TTC7B: variants seen among roughly 807,000 people sequenced by gnomAD.
TTC7B encodes the protein tetratricopeptide repeat domain 7B.
TTC7B carries 28 observed loss-of-function variants against 106.8 expected under a neutral mutation model. The observed-to-expected ratio is 0.26, with a 90% CI of 0.19 to 0.36. TTC7B has a LOEUF of 0.36. Ranked by LOEUF, TTC7B falls within the 10% of genes least tolerant of loss-of-function variation. TTC7B has a pLI of 1.00. For missense variants in TTC7B, 862 were observed against 1,076.4 expected (o/e 0.80, Z 2.79); for synonymous variants, 405 against 430.6 (o/e 0.94, Z 0.74).
intron 19 of TTC7B, among the ~76,000 whole-genome samples, chr14:90,546,637 A>G (rs1334648046): frequency 6.6e-6 from 1 of 152,204 alleles, no homozygotes; most frequent in East Asian, 1.9e-4. Context: ...AGCGCTGCCC[A>G]GCAGCACGCA....
chr14:90,612,938 CCCT>C (rs1268821007), intron 16 of TTC7B, among the ~76,000 whole-genome samples: 1 of 152,304 alleles, frequency 6.6e-6, no homozygotes, highest in East Asian at 1.9e-4. Flanking sequence ...GAACCTCACC[CCCT>C]GACAATGGCA....
At chr14:90,674,013 T>C (rs1020863598) in intron 9 of TTC7B, among the ~76,000 whole-genome samples, 1 of 152,150 alleles carries the variant, frequency 6.6e-6, no homozygotes, top group Non-Finnish European at 1.5e-5. Context: ...TTTGAGGTGA[T>C]GGTTGCACAG....
In TTC7B at chr14:90,525,965, AAAAAAAAAT is replaced by A. The variant is rs1374889295; in HGVS notation, c.*15394_*15402del. On this transcript the variant is annotated 3_prime_UTR_variant, in exon 20 of 20. Transcript: ENST00000328459. ...ACAGAGTTGCGATTGGTTAAAAAATAAAAAAAAATAAAAAAAATAAAAAAAAAAAAGAAG... is the reference window on the plus strand; with the variant it reads ...ACAGAGTTGCGATTGGTTAAAAAATAAAAAAAAATAAAAAAAAAAAAGAAG... The A allele has an allele frequency of 2.3e-4, 32 of 140,466 alleles. No individual in the cohort carries two copies. The highest frequency in any genetic ancestry group is 7.1e-4 in the African/African-American group (27 of 37,874). 8.7% of individuals were successfully genotyped at this position (140,466 alleles called of 1,614,324 possible). A position where few individuals can be genotyped will look rare whatever the true frequency, so the allele number is the denominator to read the frequency against.
intron 17 of TTC7B, chr14:90,605,821 A>G (rs1892617205): frequency 8.6e-7 from 1 of 1,158,496 alleles, no homozygotes; most frequent in Admixed American, 3.9e-5. Flanking sequence ...ACACAAAGAA[A>G]AAAATAAACT....
At chr14:90,593,864 C>T (rs1892089184) in intron 17 of TTC7B, 1 of 379,468 alleles carries the variant, frequency 2.6e-6, no homozygotes, top group Non-Finnish European at 4.7e-6. Flanking sequence ...GGAGCTCAGC[C>T]TAGCGGTGTG....
chr14:90,641,934 C>CGTGT (rs145476335), intron 15 of TTC7B, among the ~76,000 whole-genome samples: 13,411 of 147,036 alleles, frequency 0.091, 661 homozygotes, highest in East Asian at 0.16. Flanking sequence ...TGTGTGTGTG[C>CGTGT]GTGTGTGTGT....
chr14:90,798,162 C>T (rs556010689), intron 1 of TTC7B, among the ~76,000 whole-genome samples: 194 of 152,276 alleles, frequency 1.3e-3, no homozygotes, highest in Non-Finnish European at 2.3e-3. Flanking sequence ...ACCTGCTGAA[C>T]GATAAAAGGC....
In TTC7B at chr14:90,807,572, C is replaced by G. The variant is rs958752795; in HGVS notation, c.121+8603G>C. 6.6e-6 allele frequency among the ~76,000 whole-genome samples: 1 copy of G among 152,180 alleles called. No homozygotes were observed. Among genetic ancestry groups the G allele is most frequent in the Non-Finnish European group, 1.5e-5 (1 of 68,030 alleles). On this transcript the variant is annotated intron_variant, in intron 1 of 19. Transcript: ENST00000328459. The surrounding 1 kb of genome is among the most constrained non-coding windows in gnomAD (Gnocchi z 4.1). ...ACTGTAAGTTTCCCTGCCTGGTGAC[C>G]TGCTCACTCTATTTCTTCTGATGCC...
At chr14:90,602,376 G>A (rs894125575) in intron 17 of TTC7B, among the ~76,000 whole-genome samples, 6 of 152,236 alleles carry the variant, frequency 3.9e-5, no homozygotes, top group Non-Finnish European at 7.3e-5. Context: ...TTTGGCAGAT[G>A]TGACAAGTCA....
intron 3 of TTC7B, among the ~76,000 whole-genome samples, chr14:90,771,241 T>C (rs912897107): frequency 6.6e-6 from 1 of 152,160 alleles, no homozygotes; most frequent in Non-Finnish European, 1.5e-5. Flanking sequence ...AGAAAAGCTA[T>C]AGAGTATATT....
At chr14:90,687,801 T>C (rs1887304350) in intron 7 of TTC7B, among the ~76,000 whole-genome samples, 1 of 152,136 alleles carries the variant, frequency 6.6e-6, no homozygotes, top group Non-Finnish European at 1.5e-5. Flanking sequence ...GGATGAAAAC[T>C]AAATTACGAT....
At chr14:90,601,559 G>A (rs1050683989) in intron 17 of TTC7B, among the ~76,000 whole-genome samples, 2 of 152,208 alleles carry the variant, frequency 1.3e-5, no homozygotes, top group African/African-American at 4.8e-5. Flanking sequence ...AAGAACTCAA[G>A]TCGGTAATCT....
chr14:90,618,258 C>T (rs965649590), intron 15 of TTC7B, among the ~76,000 whole-genome samples: 3 of 152,194 alleles, frequency 2.0e-5, no homozygotes, highest in Admixed American at 6.5e-5. Context: ...AATGCAAGCA[C>T]GATGTGACTA....
intron 14 of TTC7B, among the ~76,000 whole-genome samples, chr14:90,646,603 T>G (rs1045220908): frequency 6.6e-6 from 1 of 152,216 alleles, no homozygotes; most frequent in Non-Finnish European, 1.5e-5. Context: ...CACTGGGTTC[T>G]GCTACCTGGT....
At chr14:90,581,759 T>C (rs1269873437) in intron 18 of TTC7B, among the ~76,000 whole-genome samples, 1 of 152,214 alleles carries the variant, frequency 6.6e-6, no homozygotes, top group Non-Finnish European at 1.5e-5. Context: ...TAAGACTGTG[T>C]GCATGTCATT....
Position 90,536,192 on chromosome 14 carries a change from C to G in TTC7B, c.*5176G>C, listed in dbSNP as rs542456932. The G allele has an allele frequency of 6.5e-6, 1 of 155,006 alleles. No homozygotes were observed. The highest frequency in any genetic ancestry group is 1.4e-5 in the Non-Finnish European group (1 of 69,006). 9.6% of individuals were successfully genotyped at this position (155,006 alleles called of 1,614,324 possible). A position where few individuals can be genotyped will look rare whatever the true frequency, so the allele number is the denominator to read the frequency against. On this transcript the variant is annotated 3_prime_UTR_variant, in exon 20 of 20. Coordinates refer to ENST00000328459, the MANE Select transcript of TTC7B (RefSeq NM_001010854.2). Reference sequence around the variant, plus strand: ...GCCCACCCACCTCCTCCAGGAAGCTCACCCTGCCTGCTCTCCGCCTCCCTT... The same window carrying G: ...GCCCACCCACCTCCTCCAGGAAGCTGACCCTGCCTGCTCTCCGCCTCCCTT...
At chr14:90,739,976 T>A (rs1477077730) in intron 4 of TTC7B, among the ~76,000 whole-genome samples, 1 of 152,232 alleles carries the variant, frequency 6.6e-6, no homozygotes, top group Non-Finnish European at 1.5e-5. Context: ...ATCAAGGCCA[T>A]CCTATGCCAT....
At chr14:90,671,349 A>G (rs1043304447) in intron 9 of TTC7B, among the ~76,000 whole-genome samples, 4 of 152,238 alleles carry the variant, frequency 2.6e-5, no homozygotes, top group African/African-American at 9.6e-5. Flanking sequence ...CATGAATATG[A>G]GTTCAACAGG....
chr14:90,752,611 T>G (rs73330789), intron 3 of TTC7B, among the ~76,000 whole-genome samples: 228 of 152,284 alleles, frequency 1.5e-3, no homozygotes, highest in African/African-American at 5.4e-3. Context: ...ATAATAAAGG[T>G]TGATTTATCA....
Sources: allele counts gnomAD v4.1 joint callset (sites outside exome capture counted in the v4.1 genomes callset), GRCh38; gene constraint gnomAD v4.1.1; non-coding constraint Gnocchi (gnomAD v3.1); transcripts MANE v1.5; gene names NCBI Gene and HGNC (gene_info 2026-07-23, HGNC 2026-07-21).